Variants in CDH6 observed in about 807,000 individuals in gnomAD.
CDH6 encodes the protein cadherin-6.
CDH6 carries 31 observed loss-of-function variants against 78.0 expected under a neutral mutation model. The observed-to-expected ratio is 0.40, with a 90% confidence interval of 0.30 to 0.54. The LOEUF is 0.54. CDH6 is among the 20% of genes least tolerant of loss of function. CDH6 has a pLI of 0.56. For synonymous variants in CDH6, 376 were observed against 368.8 expected (o/e 1.02, Z -0.23); for missense variants, 724 against 975.9 (o/e 0.74, Z 3.44).
At chr5:31,289,046 G>A (rs1743084793) in intron 2 of CDH6, among the ~76,000 whole-genome samples, 1 of 152,054 alleles carries the variant, frequency 6.6e-6, no homozygotes, top group African/African-American at 2.4e-5. Context: ...TGTAATGGTG[G>A]GGGTTGGGCC....
chr5:31,322,343 A>AT (rs954738831), intron 11 of CDH6, among the ~76,000 whole-genome samples: 1 of 152,070 alleles, frequency 6.6e-6, no homozygotes, highest in African/African-American at 2.4e-5. Context: ...CAGGTAAAAA[A>AT]AAAAAAGGCA....
At chr5:31,247,672 T>C (rs1161729076) in intron 1 of CDH6, among the ~76,000 whole-genome samples, 1 of 152,246 alleles carries the variant, frequency 6.6e-6, no homozygotes, top group Non-Finnish European at 1.5e-5. Flanking sequence ...AAGTGATGAT[T>C]CATTCTGTTT....
chr5:31,195,169 T>G (rs142804094), intron 1 of CDH6, among the ~76,000 whole-genome samples: 171 of 152,238 alleles, frequency 1.1e-3, no homozygotes, highest in African/African-American at 4.1e-3. Context: ...TTTCACTTCG[T>G]AAAGCACACA....
At chr5:31,289,070 T>C (rs146997864) in intron 2 of CDH6, among the ~76,000 whole-genome samples, 98 of 152,288 alleles carry the variant, frequency 6.4e-4, no homozygotes, top group African/African-American at 2.3e-3. Context: ...AGTGTACCTA[T>C]CACCCCAGTA....
chr5:31,225,531 T>G (rs893423840), intron 1 of CDH6, among the ~76,000 whole-genome samples: 8 of 152,056 alleles, frequency 5.3e-5, no homozygotes, highest in African/African-American at 1.9e-4. Context: ...CTCAGGAAAC[T>G]TACAATCTTG....
chr5:31,299,437 T>C (rs1737698934), intron 4 of CDH6, 27 bp from the exon 5 acceptor site: 1 of 1,591,462 alleles, frequency 6.3e-7, no homozygotes, highest in Admixed American at 1.7e-5. Context: ...ATGCATCCCT[T>C]TGCACTCTTA....
chr5:31,325,159 T>C lies in CDH6; in HGVS notation c.*1851T>C. ...AGAAGAGAAATGTAGTATTTTGGGTTACCTGATTAGAGTGAAAATTTTTTA... is the reference window on the plus strand; with the variant it reads ...AGAAGAGAAATGTAGTATTTTGGGTCACCTGATTAGAGTGAAAATTTTTTA... On this transcript the variant is annotated 3_prime_UTR_variant, in exon 12 of 12. Coordinates refer to ENST00000265071, the MANE Select transcript of CDH6 (RefSeq NM_004932.4). The C allele has an allele frequency of 4.4e-6, 1 of 228,354 alleles. No individual in the cohort carries two copies. The highest frequency in any genetic ancestry group is 8.7e-6 in the Non-Finnish European group (1 of 115,016). 14.1% of individuals were successfully genotyped at this position (228,354 alleles called of 1,614,324 possible).
At chr5:31,207,169 C>A (rs968455818) in intron 1 of CDH6, among the ~76,000 whole-genome samples, 1 of 152,222 alleles carries the variant, frequency 6.6e-6, no homozygotes, top group Non-Finnish European at 1.5e-5. Context: ...ACAGATAATG[C>A]CATGCCTTGA....
intron 1 of CDH6, among the ~76,000 whole-genome samples, chr5:31,242,705 G>GGA (rs1238123509): frequency 3.8e-5 from 5 of 132,840 alleles, no homozygotes; most frequent in African/African-American, 7.5e-5. Flanking sequence ...TAAGAATGGG[G>GGA]GGGGGCGGTT....
chr5:31,314,975 A>C (rs942298006), intron 8 of CDH6, among the ~76,000 whole-genome samples: 9 of 152,190 alleles, frequency 5.9e-5, no homozygotes, highest in African/African-American at 2.2e-4. Flanking sequence ...TCTTCTTAAC[A>C]ACCTTTGATA....
chr5:31,299,647 T>G lies in CDH6; in HGVS notation c.811+16T>G. ...TTCCCCCAGAGTAGGAACATTTGAT[T>G]GAATGAATTTCTTCAATGTGCTTTT... On this transcript the variant is annotated intron_variant, in intron 5 of 11. Coordinates refer to ENST00000265071, the MANE Select transcript of CDH6 (RefSeq NM_004932.4). 2.5e-6 allele frequency: 4 copies of G among 1,590,862 alleles called. No homozygotes were observed. The highest frequency in any genetic ancestry group is 3.4e-6 in the Non-Finnish European group (4 of 1,161,410).
At chr5:31,247,743 T>G (rs1295516696) in intron 1 of CDH6, among the ~76,000 whole-genome samples, 1 of 152,242 alleles carries the variant, frequency 6.6e-6, no homozygotes, top group African/African-American at 2.4e-5. Flanking sequence ...AGTGGTAGCA[T>G]CAGAACACAT....
intron 1 of CDH6, among the ~76,000 whole-genome samples, chr5:31,230,307 A>T (rs1298542273): frequency 6.6e-6 from 1 of 152,140 alleles, no homozygotes; most frequent in Non-Finnish European, 1.5e-5. Context: ...GACATAGAGA[A>T]CTCACTAGGG....
intron 1 of CDH6, among the ~76,000 whole-genome samples, chr5:31,211,857 G>A (rs552304390): frequency 6.6e-6 from 1 of 152,198 alleles, no homozygotes; most frequent in Non-Finnish European, 1.5e-5. Context: ...TTGTGGTTGG[G>A]TTTTGTGCTT....
At chr5:31,208,478 G>C (rs1404784166) in intron 1 of CDH6, among the ~76,000 whole-genome samples, 1 of 152,128 alleles carries the variant, frequency 6.6e-6, no homozygotes, top group African/African-American at 2.4e-5. Flanking sequence ...TCTGAAATAG[G>C]GTTACAGATT....
At chr5:31,206,331 A>G (rs1248841503) in intron 1 of CDH6, among the ~76,000 whole-genome samples, 1 of 152,120 alleles carries the variant, frequency 6.6e-6, no homozygotes, top group Non-Finnish European at 1.5e-5. Context: ...AGGCTTAAAA[A>G]TACAGTTAGA....
chr5:31,296,180 C>T (rs1206302235), intron 3 of CDH6, among the ~76,000 whole-genome samples: 1 of 152,088 alleles, frequency 6.6e-6, no homozygotes. Context: ...CTTACCTACC[C>T]CTTTCATGGA....
intron 2 of CDH6, among the ~76,000 whole-genome samples, chr5:31,290,462 C>T (rs1420205721): frequency 6.6e-6 from 1 of 152,126 alleles, no homozygotes; most frequent in African/African-American, 2.4e-5. Flanking sequence ...ATGGAACAGC[C>T]ACATTAAACT....
rs1219045930 is a variant in CDH6, at chr5:31,326,598, C to T, written c.*3290C>T. 1.6e-5 allele frequency: 3 copies of T among 185,368 alleles called. No individual in the cohort carries two copies. Among genetic ancestry groups the T allele is most frequent in the Non-Finnish European group, 3.4e-5 (3 of 87,700 alleles). 11.5% of individuals were successfully genotyped at this position (185,368 alleles called of 1,614,324 possible). ...CCTTTTCAGATGGAACAAAACCTGCCCATTTAATTTTAACGCAGTATAAAA... is the reference window on the plus strand; with the variant it reads ...CCTTTTCAGATGGAACAAAACCTGCTCATTTAATTTTAACGCAGTATAAAA... On this transcript the variant is annotated 3_prime_UTR_variant, in exon 12 of 12. Transcript: ENST00000265071.
Sources: allele counts gnomAD v4.1 joint callset (sites outside exome capture counted in the v4.1 genomes callset), GRCh38; gene constraint gnomAD v4.1.1; transcripts MANE v1.5; gene names NCBI Gene and HGNC (gene_info 2026-07-23, HGNC 2026-07-21).